LRBA: variants seen among roughly 807,000 people sequenced by gnomAD.
The protein encoded by LRBA is lipopolysaccharide-responsive and beige-like anchor protein.
In LRBA, 176 loss-of-function variants were observed where a neutral mutation model predicts 330.0. That is an observed-to-expected ratio of 0.53 (90% CI 0.47 to 0.60). The LOEUF (loss-of-function observed/expected upper bound fraction) is 0.60. LRBA is among the 20% of genes least tolerant of loss of function. LRBA has a pLI of 0.00. For missense variants in LRBA, 3,259 were observed against 3,444.8 expected (o/e 0.95, Z 1.35); for synonymous variants, 1,230 against 1,193.0 (o/e 1.03, Z -0.64).
At chr4:150,336,526 A>AC (rs1561031875) in intron 48 of LRBA, among the ~76,000 whole-genome samples, 1 of 152,224 alleles carries the variant, frequency 6.6e-6, no homozygotes, top group Non-Finnish European at 1.5e-5. Context: ...CTTGTTAAAT[A>AC]AAGTAAAACA....
At chr4:150,872,176 G>A (rs1447469409) in intron 18 of LRBA, among the ~76,000 whole-genome samples, 1 of 152,112 alleles carries the variant, frequency 6.6e-6, no homozygotes, top group Admixed American at 6.6e-5. Context: ...ACCAACACTT[G>A]TTCTACCCCC....
chr4:150,760,345 T>G (rs572379730), intron 35 of LRBA, among the ~76,000 whole-genome samples: 26 of 152,272 alleles, frequency 1.7e-4, no homozygotes, highest in Non-Finnish European at 3.7e-4. Context: ...TACATGAAAA[T>G]GTATCTCTAT....
rs139210786 is a variant in LRBA at position 150,770,360 on chromosome 4, G to C, written c.5581-8513C>G. ...TATATCCTATTGGTTCTATTTCTCTGGAGAACCCTAATATAAACCCATTCC... is the reference window on the plus strand; with the variant it reads ...TATATCCTATTGGTTCTATTTCTCTCGAGAACCCTAATATAAACCCATTCC... On this transcript the variant is annotated intron_variant, in intron 34 of 56. Coordinates refer to ENST00000651943, the MANE Select transcript of LRBA (RefSeq NM_001364905.1). Among the ~76,000 whole-genome samples the C allele has an allele frequency of 6.9e-4, 105 of 152,030 alleles. 2 individuals are homozygous for C. The East Asian group carries it at 0.02, about 29-fold the overall frequency.
chr4:150,491,794 G>C (rs973251830), intron 40 of LRBA, among the ~76,000 whole-genome samples: 2 of 152,048 alleles, frequency 1.3e-5, no homozygotes, highest in African/African-American at 4.8e-5. Flanking sequence ...TTCAAGTTTT[G>C]TTTTTCAAAA....
intron 37 of LRBA, among the ~76,000 whole-genome samples, chr4:150,618,522 A>G (rs961242115): frequency 6.6e-6 from 1 of 152,148 alleles, no homozygotes; most frequent in Non-Finnish European, 1.5e-5. Flanking sequence ...TTCAACTCCT[A>G]ATCTTTGGAA....
intron 47 of LRBA, among the ~76,000 whole-genome samples, chr4:150,364,960 T>A (rs1350259988): frequency 6.6e-6 from 1 of 151,844 alleles, no homozygotes; most frequent in Non-Finnish European, 1.5e-5. Context: ...ATATCATAAA[T>A]ATATATCATA....
chr4:150,347,889 G>A (rs1392646081), intron 48 of LRBA, among the ~76,000 whole-genome samples: 1 of 152,090 alleles, frequency 6.6e-6, no homozygotes, highest in African/African-American at 2.4e-5. Flanking sequence ...TGAACTCAGA[G>A]TAAGAAAAGA....
At position 150,477,557 on chromosome 4, in the gene LRBA, C is replaced by T. The variant is rs768932810; in HGVS notation, c.6552-5818G>A. On this transcript the variant is annotated intron_variant, in intron 42 of 56. Coordinates refer to ENST00000651943, the MANE Select transcript of LRBA (RefSeq NM_001364905.1). ...ACTGCCTCCATGATCCAATCAGGTC[C>T]TCTGTTGACATGTGGGGATTATAAT... Among the ~76,000 whole-genome samples the T allele has an allele frequency of 8.9e-4, 135 of 152,028 alleles. 1 individual carries two copies. The highest frequency in any genetic ancestry group is 3.7e-4 in the Non-Finnish European group (25 of 68,008).
intron 47 of LRBA, among the ~76,000 whole-genome samples, chr4:150,380,265 A>T (rs1295202276): frequency 6.6e-6 from 1 of 152,234 alleles, no homozygotes; most frequent in Non-Finnish European, 1.5e-5. Flanking sequence ...CAACACCAGC[A>T]TTAGAACAAC....
intron 46 of LRBA, among the ~76,000 whole-genome samples, chr4:150,422,402 T>C (rs879942143): frequency 5.3e-5 from 8 of 152,146 alleles, no homozygotes; most frequent in Admixed American, 4.6e-4. Context: ...TTCTCATCTT[T>C]CACAATGGTG....
At chr4:150,629,830 G>A (rs1027492713) in intron 37 of LRBA, among the ~76,000 whole-genome samples, 3 of 151,902 alleles carry the variant, frequency 2.0e-5, no homozygotes, top group African/African-American at 4.8e-5. Flanking sequence ...AATTAGCTAC[G>A]CATGGTGGTG....
intron 40 of LRBA, among the ~76,000 whole-genome samples, chr4:150,511,895 G>T (rs1057338880): frequency 6.6e-6 from 1 of 151,990 alleles, no homozygotes; most frequent in Non-Finnish European, 1.5e-5. Context: ...ATCCTTAAAG[G>T]CCAAGCCAAG....
intron 35 of LRBA, among the ~76,000 whole-genome samples, chr4:150,751,005 C>T (rs886290713): frequency 6.6e-6 from 1 of 151,308 alleles, no homozygotes; most frequent in East Asian, 1.9e-4. Context: ...TAGGCTATAC[C>T]CCATCATTAT....
At position 150,844,145 on chromosome 4, in the gene LRBA, C is replaced by T; in HGVS notation, c.4524G>A (p.Gln1508=). The change falls in exon 28 of 57, where the codon CAG becomes CAA. Residue 1508 remains glutamine (Q), a synonymous_variant. Transcript: ENST00000651943. ...CCCTAAGCCGATTAATATCCATGTC[C>T]TGTAGAAGCCTGTCAAGATCTCTTA... ...SPVRDLDRLL[Q]DMDINRLRAV... is the part of the protein sequence containing the mutation. The T allele has an allele frequency of 1.2e-6, 2 of 1,611,958 alleles. No individual in the cohort carries two copies. Among genetic ancestry groups the T allele is most frequent in the Non-Finnish European group, 1.7e-6 (2 of 1,178,664 alleles).
chr4:150,660,496 C>T (rs548239371), intron 37 of LRBA, among the ~76,000 whole-genome samples: 3 of 151,364 alleles, frequency 2.0e-5, no homozygotes, highest in Non-Finnish European at 3.0e-5. Flanking sequence ...GTCAGCCCCC[C>T]CCGCCCGGCC....
At chr4:150,784,702 A>AGC (rs908169894) in intron 34 of LRBA, among the ~76,000 whole-genome samples, 2 of 151,824 alleles carry the variant, frequency 1.3e-5, no homozygotes, top group Non-Finnish European at 2.9e-5. Flanking sequence ...TGTACAGGGG[A>AGC]GCTCCTTCCT....
At chr4:150,688,694 G>GA (rs1216130282) in intron 36 of LRBA, among the ~76,000 whole-genome samples, 9 of 151,992 alleles carry the variant, frequency 5.9e-5, no homozygotes, top group South Asian at 2.1e-4. Flanking sequence ...ACAAACATAT[G>GA]AAAAAAAGCT....
intron 37 of LRBA, among the ~76,000 whole-genome samples, chr4:150,605,666 G>T (rs1774550655): frequency 6.6e-6 from 1 of 152,080 alleles, no homozygotes; most frequent in South Asian, 2.1e-4. Flanking sequence ...AAGCACTTAA[G>T]TTCTAGAAAG....
At chr4:150,943,585 T>C (rs1735909911) in intron 2 of LRBA, among the ~76,000 whole-genome samples, 2 of 152,252 alleles carry the variant, frequency 1.3e-5, no homozygotes, top group Admixed American at 1.3e-4. Context: ...AACTATGTTT[T>C]AAGCAAACAT....
Sources: allele counts gnomAD v4.1 joint callset (sites outside exome capture counted in the v4.1 genomes callset), GRCh38; gene constraint gnomAD v4.1.1; transcripts MANE v1.5; gene names NCBI Gene and HGNC (gene_info 2026-07-23, HGNC 2026-07-21).